The following NUP62CL variants were observed in gnomAD, a reference collection of about 807,000 sequenced individuals.
The protein encoded by NUP62CL is nucleoporin 62 C-terminal like, also known as nucleoporin-62 C-terminal-like protein.
NUP62CL carries 13 observed loss-of-function variants against 15.3 expected under a neutral mutation model. That is an observed-to-expected ratio of 0.85 (90% confidence interval 0.55 to 1.35). The LOEUF is 1.35. Ranked by LOEUF, NUP62CL falls within the 40% of genes most tolerant of loss-of-function variation. The pLI is 0.00. For synonymous variants in NUP62CL, 54 were observed against 49.2 expected (o/e 1.10, Z -0.41); for missense variants, 123 against 130.6 (o/e 0.94, Z 0.28).
chrX:107,176,240 G>A (rs1175171759), intron 2 of NUP62CL, among the ~76,000 whole-genome samples: 2 of 111,384 alleles, frequency 1.8e-5, no homozygotes, highest in Non-Finnish European at 3.8e-5. Context: ...AGGAGGCAGG[G>A]AGCTTTATGA....
At chrX:107,205,209 A>G (rs768542697) in intron 1 of NUP62CL, among the ~76,000 whole-genome samples, 12 of 111,712 alleles carry the variant, frequency 1.1e-4, no homozygotes, top group Admixed American at 2.9e-4. Context: ...ACACCGGCTG[A>G]GCATTACAGA....
intron 8 of NUP62CL, among the ~76,000 whole-genome samples, chrX:107,141,354 T>TAA (rs1925762319): frequency 8.9e-6 from 1 of 112,367 alleles, no homozygotes; most frequent in African/African-American, 3.2e-5. Context: ...AGCAAGTGGC[T>TAA]AATAAACAGT....
intron 8 of NUP62CL, among the ~76,000 whole-genome samples, chrX:107,127,616 C>T (rs774013140): frequency 1.8e-5 from 2 of 111,528 alleles, no homozygotes; most frequent in East Asian, 5.6e-4. Context: ...AACCCAAACA[C>T]AGACTTCTAG....
intron 4 of NUP62CL, among the ~76,000 whole-genome samples, chrX:107,167,008 T>C (rs1025542237): frequency 8.9e-5 from 10 of 111,846 alleles, no homozygotes; most frequent in Non-Finnish European, 1.7e-4. Context: ...AATATCAATA[T>C]CTTGGTTGTG....
intron 7 of NUP62CL, among the ~76,000 whole-genome samples, chrX:107,148,182 G>A (rs1351507058): frequency 2.7e-5 from 3 of 111,324 alleles, no homozygotes; most frequent in African/African-American, 9.8e-5. Flanking sequence ...CTCAGTTATC[G>A]AGTGTGTGGG....
intron 8 of NUP62CL, among the ~76,000 whole-genome samples, chrX:107,145,875 C>T (rs1240176538): frequency 9.0e-6 from 1 of 111,207 alleles, no homozygotes; most frequent in Admixed American, 9.6e-5. Context: ...AGCCAATTAT[C>T]TTTCAGAATG....
intron 4 of NUP62CL, among the ~76,000 whole-genome samples, chrX:107,158,807 C>CA (rs1167142741): frequency 1.3e-5 from 1 of 74,721 alleles, no homozygotes; most frequent in Non-Finnish European, 2.2e-5. Context: ...AATAGAGACA[C>CA]AAAAAACCCT....
At chrX:107,166,018 G>A (rs955355925) in intron 4 of NUP62CL, among the ~76,000 whole-genome samples, 1 of 111,299 alleles carries the variant, frequency 9.0e-6, no homozygotes, top group Non-Finnish European at 1.9e-5. Flanking sequence ...TCTTATAATT[G>A]ACACTAAAAG....
At chrX:107,166,676 T>A (rs768266405) in intron 4 of NUP62CL, among the ~76,000 whole-genome samples, 42 of 111,845 alleles carry the variant, frequency 3.8e-4, no homozygotes, top group Admixed American at 1.9e-3. Flanking sequence ...TATATGTCCA[T>A]CAACAGGTGA....
At chrX:107,151,145 A>G (rs1170556008) in intron 7 of NUP62CL, among the ~76,000 whole-genome samples, 1 of 111,594 alleles carries the variant, frequency 9.0e-6, no homozygotes, top group Non-Finnish European at 1.9e-5. Context: ...TGACGTTATT[A>G]TTACCATGTT....
chrX:107,204,670 C>A (rs1052187839), intron 1 of NUP62CL, among the ~76,000 whole-genome samples: 1 of 98,381 alleles, frequency 1.0e-5, no homozygotes, highest in Non-Finnish European at 2.1e-5. Flanking sequence ...GGAGCCAGGG[C>A]AATCTGCATT....
At chrX:107,192,963 A>G (rs1278387046) in intron 2 of NUP62CL, 66 bp downstream of exon 2, 1 of 111,605 alleles carries the variant, frequency 9.0e-6, no homozygotes, top group East Asian at 2.8e-4. Context: ...TACCAGATGT[A>G]GAGAAAATAA....
chrX:107,171,364 G>A (rs961937455), intron 3 of NUP62CL, among the ~76,000 whole-genome samples: 11 of 111,755 alleles, frequency 9.8e-5, no homozygotes, highest in Non-Finnish European at 1.7e-4. Flanking sequence ...GAAATGGTGT[G>A]TATTAGTCTG....
At chrX:107,202,681 T>TAAAAAAAAAAAAA (rs765528970) in intron 1 of NUP62CL, 1 of 73,014 alleles carries the variant, frequency 1.4e-5, no homozygotes, top group African/African-American at 5.4e-5. Flanking sequence ...TTGACTGTCT[T>TAAAAAAAAAAAAA]AAAAAAAAAA....
intron 1 of NUP62CL, among the ~76,000 whole-genome samples, chrX:107,196,234 C>A (rs771257335): frequency 3.6e-5 from 4 of 111,795 alleles, no homozygotes; most frequent in Non-Finnish European, 5.6e-5. Flanking sequence ...ACATTTTTGT[C>A]ACTAAAAATT....
intron 5 of NUP62CL, among the ~76,000 whole-genome samples, chrX:107,153,717 C>T (rs1926103951): frequency 8.9e-6 from 1 of 112,051 alleles, no homozygotes; most frequent in African/African-American, 3.2e-5. Flanking sequence ...CCTATAATCC[C>T]AGCACTTTGG....
intron 7 of NUP62CL, among the ~76,000 whole-genome samples, chrX:107,152,620 C>T (rs1300396859): frequency 1.8e-5 from 2 of 111,725 alleles, no homozygotes; most frequent in African/African-American, 6.5e-5. Flanking sequence ...AATACTGGCA[C>T]TGTATTGACA....
chrX:107,137,166 A>G (rs921702621), intron 8 of NUP62CL, among the ~76,000 whole-genome samples: 1 of 112,310 alleles, frequency 8.9e-6, no homozygotes, highest in Non-Finnish European at 1.9e-5. Flanking sequence ...CAGAAAAGGA[A>G]TTTTGACAAA....
rs747591195 is a variant in NUP62CL at position 107,165,099 on chromosome X, TCAAA to T, written c.194+2546_194+2549del. Among the ~76,000 whole-genome samples, 878 of 110,508 alleles carry T rather than the reference TCAAA, an allele frequency of 7.9e-3. 5 individuals carry two copies. Among genetic ancestry groups the T allele is most frequent in the African/African-American group, 0.019 (589 of 30,374 alleles). The stretch of plus-strand genomic sequence containing the variant: ...CTGGGCGACAGAGCGAGACTCCGTC[TCAAA>T]CAAACAAACAAACAAACAAACAAAA... On this transcript the variant is annotated intron_variant, in intron 4 of 8. Coordinates refer to ENST00000372466, the MANE Select transcript of NUP62CL (RefSeq NM_017681.3).
Sources: gnomAD v4.1 joint callset for allele counts (sites outside exome capture counted in the v4.1 genomes callset) on GRCh38, gnomAD v4.1.1 for gene constraint, MANE v1.5 for transcripts, NCBI Gene and HGNC (gene_info 2026-07-23, HGNC 2026-07-21) for gene names.